Variants in SETD7 observed in about 807,000 individuals in gnomAD.
The protein encoded by SETD7 is SET domain containing 7, histone lysine methyltransferase.
SETD7 carries 16 observed loss-of-function variants against 41.8 expected under a neutral mutation model. The ratio of observed to expected loss-of-function variants is 0.38; its 90% confidence interval spans 0.26 to 0.58. SETD7 has a LOEUF of 0.58. Ranked by LOEUF, SETD7 falls within the 20% of genes least tolerant of loss-of-function variation. The pLI, the probability that SETD7 is intolerant of heterozygous loss-of-function variation, is 0.64. For missense variants in SETD7, 346 were observed against 459.7 expected, an observed-to-expected ratio of 0.75 and a Z score of 2.26; for synonymous variants, 163 against 169.7, an observed-to-expected ratio of 0.96 and a Z score of 0.31.
Position 139,555,086 on chromosome 4 carries a change from G to T in SETD7, c.40+1012C>A, listed in dbSNP as rs1288205922. On this transcript the variant is annotated intron_variant, in intron 1 of 7. Coordinates refer to ENST00000274031, the MANE Select transcript of SETD7 (RefSeq NM_030648.4). This position sits in a 1 kb window ranked among gnomAD's most constrained non-coding sequence, Gnocchi z 4.0. ...AGTGGAACCAAATAAATACGCTAAAGAGTATTTTCCAGTATTCGCTGTTAC... is the reference window on the plus strand; with the variant it reads ...AGTGGAACCAAATAAATACGCTAAATAGTATTTTCCAGTATTCGCTGTTAC... Among the ~76,000 whole-genome samples the T allele has an allele frequency of 1.3e-5, 2 of 150,478 alleles. No homozygotes were observed. Among genetic ancestry groups the T allele is most frequent in the Admixed American group, 1.3e-4 (2 of 15,050 alleles).
At chr4:139,523,498 C>G (rs1228741088) in intron 4 of SETD7, 63 bp from the exon 5 acceptor site, 2 of 1,193,030 alleles carry the variant, frequency 1.7e-6, no homozygotes, top group Admixed American at 3.6e-5. Flanking sequence ...TATAACACTT[C>G]TCTCTATTCA....
intron 5 of SETD7, among the ~76,000 whole-genome samples, chr4:139,521,295 G>A (rs371284687): frequency 1.2e-4 from 18 of 151,898 alleles, no homozygotes; most frequent in African/African-American, 3.4e-4. Flanking sequence ...GTGTGGTGGC[G>A]GGTGCCTGTA....
chr4:139,521,426 TA>T (rs10711150), intron 5 of SETD7, among the ~76,000 whole-genome samples: 146,672 of 147,580 alleles, frequency 0.99, 72,885 homozygotes, highest in East Asian at 1. Flanking sequence ...GACTCTGTCT[TA>T]AAAAAAAAAA....
At chr4:139,531,024 T>C (rs1579213739) in intron 3 of SETD7, among the ~76,000 whole-genome samples, 1 of 152,014 alleles carries the variant, frequency 6.6e-6, no homozygotes, top group African/African-American at 2.4e-5. Context: ...CACTGGCTCC[T>C]CCTCGTGGGG....
downstream of SETD7, among the ~76,000 whole-genome samples, chr4:139,503,037 G>A (rs554852729): frequency 6.6e-5 from 10 of 151,994 alleles, no homozygotes; most frequent in South Asian, 2.1e-3. Flanking sequence ...AATTAGCGGG[G>A]CATGGCAGCA....
intron 4 of SETD7, among the ~76,000 whole-genome samples, chr4:139,527,632 T>C (rs539944374): frequency 2.2e-4 from 34 of 152,326 alleles, no homozygotes; most frequent in African/African-American, 7.7e-4. Flanking sequence ...GGCCCATGAC[T>C]GTATACAGAA....
intron 5 of SETD7, among the ~76,000 whole-genome samples, chr4:139,521,869 A>G (rs931910418): frequency 1.3e-5 from 2 of 152,358 alleles, no homozygotes; most frequent in South Asian, 4.1e-4. Context: ...TAAAGAAAAC[A>G]TGTGAAACAG....
chr4:139,503,780 T>A (rs1277814549), downstream of SETD7, among the ~76,000 whole-genome samples: 1 of 152,204 alleles, frequency 6.6e-6, no homozygotes, highest in Admixed American at 6.5e-5. Context: ...CAACTATCAT[T>A]TCCCTTTCCT....
rs1241351104 is a variant in SETD7, at chr4:139,507,740, C to T, written c.*3923G>A. ...TTTTTAAAATTAAAAAAAGTGACAA[C>T]GAGTTTCCAAATTCCTGAAGGGAAA... On this transcript the variant is annotated 3_prime_UTR_variant, in exon 8 of 8. Coordinates refer to ENST00000274031, the MANE Select transcript of SETD7 (RefSeq NM_030648.4). 2.6e-5 allele frequency: 4 copies of T among 152,458 alleles called. No individual in the cohort carries two copies. Among genetic ancestry groups the T allele is most frequent in the Non-Finnish European group, 4.4e-5 (3 of 67,992 alleles). 9.4% of individuals were successfully genotyped at this position (152,458 alleles called of 1,614,324 possible).
At chr4:139,526,841 G>A (rs564089068) in intron 4 of SETD7, among the ~76,000 whole-genome samples, 5 of 152,246 alleles carry the variant, frequency 3.3e-5, no homozygotes, top group African/African-American at 9.6e-5. Context: ...CCCTTGTTTC[G>A]AGCCTCCTCA....
At chr4:139,511,929 C>T in intron 7 of SETD7, 86 bp from the exon 8 acceptor site, 8 of 1,506,796 alleles carry the variant, frequency 5.3e-6, no homozygotes, top group Non-Finnish European at 7.0e-6. Flanking sequence ...ACAGGAATCA[C>T]CCCCAGGCAC....
rs1726742531 is a variant in SETD7 at position 139,507,594 on chromosome 4, AC to A, written c.*4068del. On this transcript the variant is annotated 3_prime_UTR_variant, in exon 8 of 8. Coordinates refer to ENST00000274031, the MANE Select transcript of SETD7 (RefSeq NM_030648.4). The stretch of plus-strand genomic sequence containing the variant: ...ATTTCATACAAACATCTATTTACAT[AC>A]AAACACATTAAAATTTGTGAAAAGG... 1 of 152,670 alleles carries A rather than the reference AC, an allele frequency of 6.6e-6. No homozygotes were observed. The highest frequency in any genetic ancestry group is 6.5e-5 in the Admixed American group (1 of 15,280). 9.5% of individuals were successfully genotyped at this position (152,670 alleles called of 1,614,324 possible).
intron 1 of SETD7, among the ~76,000 whole-genome samples, chr4:139,554,905 T>C (rs1481961353): frequency 6.6e-6 from 1 of 152,192 alleles, no homozygotes; most frequent in Non-Finnish European, 1.5e-5. Flanking sequence ...GTGTCGCCAC[T>C]TTTTTTCTTT....
At chr4:139,517,754 G>T in intron 7 of SETD7, 131 bp downstream of exon 7, 2 of 917,134 alleles carry the variant, frequency 2.2e-6, no homozygotes, top group Admixed American at 2.8e-5. Context: ...CCCTGAGGCC[G>T]ATAGCAGAGG....
Position 139,518,028 on chromosome 4 carries a change from G to C in SETD7, c.777C>G (p.Asp259Glu), listed in dbSNP as rs1216803284. ...RITHQEVDSR[D>E]WALNGNTLSL... ...AGAGGGTGTTCCCATTAAGGGCCCAGTCCCTGCTGTCAACCTGCAGAAAAC... is the reference window on the plus strand; with the variant it reads ...AGAGGGTGTTCCCATTAAGGGCCCACTCCCTGCTGTCAACCTGCAGAAAAC... The change falls in exon 7 of 8, where the codon GAC (aspartate) becomes GAG (glutamate). Residue 259 changes from aspartate to glutamate, a missense_variant. Physicochemically the swap from Asp to Glu is conservative, Grantham distance 45. This residue lies in a region of SETD7 where 266 missense variants were observed against 377.0 expected (regional missense o/e 0.71). Transcript: ENST00000274031. The C allele has an allele frequency of 2.5e-6, 4 of 1,613,150 alleles. No individual in the cohort carries two copies. The African/African-American group carries it at 5.3e-5, about 22-fold the overall frequency.
chr4:139,547,674 C>T (rs1728001375), intron 1 of SETD7, among the ~76,000 whole-genome samples: 4 of 152,214 alleles, frequency 2.6e-5, no homozygotes. Flanking sequence ...TTATATAGCT[C>T]ATTGTACAAA....
rs564479686 is a variant in SETD7, at chr4:139,537,108, C to T, written c.171-3742G>A. Among the ~76,000 whole-genome samples the T allele has an allele frequency of 5.7e-3, 860 of 152,192 alleles. 5 individuals are homozygous for T. The highest frequency in any genetic ancestry group is 7.2e-3 in the Non-Finnish European group (491 of 68,006). ...CTCCTGCCTCAGCCTCCCAAATAGCCGGGATTACAGGCACGCGCCAACACG... is the reference window on the plus strand; with the variant it reads ...CTCCTGCCTCAGCCTCCCAAATAGCTGGGATTACAGGCACGCGCCAACACG... On this transcript the variant is annotated intron_variant, in intron 2 of 7. Transcript: ENST00000274031.
chr4:139,528,982 C>CA, intron 4 of SETD7, 49 bp downstream of exon 4: 2 of 1,513,480 alleles, frequency 1.3e-6, no homozygotes, highest in Admixed American at 3.6e-5. Context: ...TCAGCCCTAA[C>CA]AACCTGCTTT....
chr4:139,538,984 G>A (rs1380957899), intron 2 of SETD7, among the ~76,000 whole-genome samples: 1 of 152,060 alleles, frequency 6.6e-6, no homozygotes, highest in African/African-American at 2.4e-5. Context: ...ACAAAGAAAT[G>A]GATAAATTTT....
Sources: allele counts gnomAD v4.1 joint callset (sites outside exome capture counted in the v4.1 genomes callset), GRCh38; gene constraint gnomAD v4.1.1; regional missense constraint gnomAD v4.1.1; non-coding constraint Gnocchi (gnomAD v3.1); transcripts MANE v1.5; gene names NCBI Gene and HGNC (gene_info 2026-07-23, HGNC 2026-07-21).